Variants in DLGAP1 observed in about 807,000 individuals in gnomAD.
DLGAP1 encodes the protein DLG associated protein 1.
A neutral mutation model predicts 90.8 loss-of-function variants in DLGAP1; 11 were observed. The observed-to-expected ratio is 0.12, with a 90% CI of 0.08 to 0.20. DLGAP1 has a LOEUF of 0.20. Ranked by LOEUF, DLGAP1 falls within the 10% of genes least tolerant of loss-of-function variation. DLGAP1 has a pLI of 1.00. For missense variants in DLGAP1, 1,050 were observed against 1,333.8 expected (o/e 0.79, Z 3.31); for synonymous variants, 558 against 540.7 (o/e 1.03, Z -0.44).
At chr18:3,552,567 G>A (rs535163789) in intron 9 of DLGAP1, among the ~76,000 whole-genome samples, 330 of 152,260 alleles carry the variant, frequency 2.2e-3, no homozygotes, top group Non-Finnish European at 3.2e-3. Context: ...GGGGCTGAGC[G>A]AGCCTAAGAA....
intron 10 of DLGAP1, among the ~76,000 whole-genome samples, chr18:3,514,801 C>T (rs538989361): frequency 6.6e-6 from 1 of 152,266 alleles, no homozygotes; most frequent in Admixed American, 6.5e-5. Context: ...AATCTTCTTG[C>T]GGAGGGAGGG....
rs755230071 is a variant in DLGAP1, at chr18:3,555,857, T to C, written c.2057+11633A>G. 6.6e-5 allele frequency among the ~76,000 whole-genome samples: 10 copies of C among 152,118 alleles called. 1 individual carries two copies. Among genetic ancestry groups the C allele is most frequent in the Non-Finnish European group, 8.8e-5 (6 of 68,018 alleles). ...AAATAAATTTAAAAACCTGGAAAGA[T>C]AGACTGGCTGATTGCAGGAGAAATG... On this transcript the variant is annotated intron_variant, in intron 9 of 12. Coordinates refer to ENST00000315677, the MANE Select transcript of DLGAP1 (RefSeq NM_004746.4).
intron 8 of DLGAP1, among the ~76,000 whole-genome samples, chr18:3,570,159 G>A (rs142938841): frequency 2.8e-4 from 43 of 152,038 alleles, no homozygotes; most frequent in African/African-American, 9.2e-4. Flanking sequence ...ACACAATGAC[G>A]AAATCACCTA....
At chr18:3,580,925 A>T (rs1261471568) in intron 8 of DLGAP1, among the ~76,000 whole-genome samples, 1 of 152,144 alleles carries the variant, frequency 6.6e-6, no homozygotes, top group Non-Finnish European at 1.5e-5. Context: ...CCCCAGCCCC[A>T]GGAAATGTGG....
At chr18:4,089,575 A>G (rs978836492) in intron 2 of DLGAP1, among the ~76,000 whole-genome samples, 2 of 152,226 alleles carry the variant, frequency 1.3e-5, no homozygotes, top group Non-Finnish European at 2.9e-5. Context: ...CAGTAACCAA[A>G]CAGCATGGTA....
At position 3,517,064 on chromosome 18, in the gene DLGAP1, G is replaced by C. The variant is rs1434271000; in HGVS notation, c.2480-8403C>G. Among the ~76,000 whole-genome samples the C allele has an allele frequency of 6.6e-6, 1 of 152,216 alleles. No homozygotes were observed. The highest frequency in any genetic ancestry group is 1.5e-5 in the Non-Finnish European group (1 of 68,044). On this transcript the variant is annotated intron_variant, in intron 10 of 12. Transcript: ENST00000315677. The surrounding 1 kb of genome is among the most constrained non-coding windows in gnomAD (Gnocchi z 4.1). ...CTCAACAGTAGGCTTAAAGTGTACA[G>C]TAAACCATGCTGTGAATAGAGATAC... is the stretch of plus-strand genomic sequence containing the variant.
intron 3 of DLGAP1, among the ~76,000 whole-genome samples, chr18:3,934,153 A>G (rs1466709456): frequency 6.6e-6 from 1 of 152,222 alleles, no homozygotes; most frequent in Non-Finnish European, 1.5e-5. Flanking sequence ...GTAGTGACAA[A>G]GTACAGCCTT....
intron 1 of DLGAP1, among the ~76,000 whole-genome samples, chr18:4,185,927 C>A (rs1023267664): frequency 6.6e-6 from 1 of 152,174 alleles, no homozygotes; most frequent in Middle Eastern, 3.2e-3. Flanking sequence ...TCCCTTTTCT[C>A]TGCAACCTCG....
chr18:3,817,038 A>G (rs1367775311), intron 4 of DLGAP1, among the ~76,000 whole-genome samples: 2 of 152,190 alleles, frequency 1.3e-5, no homozygotes, highest in Non-Finnish European at 2.9e-5. Flanking sequence ...TTGGCAGGTG[A>G]CTCACTGCAT....
intron 1 of DLGAP1, among the ~76,000 whole-genome samples, chr18:4,236,249 T>A (rs2078412689): frequency 6.6e-6 from 1 of 152,172 alleles, no homozygotes; most frequent in Non-Finnish European, 1.5e-5. Context: ...CCCACATGGA[T>A]TACATACAGT....
rs541255906 is a variant in DLGAP1 at position 4,066,659 on chromosome 18, T to TA, written c.-158-61459dup. On this transcript the variant is annotated intron_variant, in intron 2 of 12. Coordinates refer to ENST00000315677, the MANE Select transcript of DLGAP1 (RefSeq NM_004746.4). Reference sequence around the variant, plus strand: ...TCACACCAGTCAGGATGGTTATTATTAAAAAGTCAAAAAATAACAGATGCT... The same window carrying TA: ...TCACACCAGTCAGGATGGTTATTATTAAAAAAGTCAAAAAATAACAGATGCT... 2.1e-4 allele frequency among the ~76,000 whole-genome samples: 32 copies of TA among 152,194 alleles called. No individual in the cohort carries two copies. The East Asian group carries it at 4.6e-3, about 22-fold the overall frequency.
chr18:3,876,093 G>C (rs1313392899), intron 4 of DLGAP1, among the ~76,000 whole-genome samples: 1 of 151,162 alleles, frequency 6.6e-6, no homozygotes, highest in African/African-American at 2.4e-5. Context: ...TTACTTCTAA[G>C]AATGAGCCTA....
rs56150477 is a variant in DLGAP1, at chr18:3,946,447, C to T, written c.-73+58669G>A. ...ATATCAATTAAAAGGAAATTAGCAT[C>T]TTACCTTTCAAGTCAAACATTAAGA... On this transcript the variant is annotated intron_variant, in intron 3 of 12. Transcript: ENST00000315677. 5.8e-3 allele frequency among the ~76,000 whole-genome samples: 884 copies of T among 152,264 alleles called. 7 individuals carry two copies. The highest frequency in any genetic ancestry group is 0.02 in the African/African-American group (817 of 41,532).
intron 4 of DLGAP1, among the ~76,000 whole-genome samples, chr18:3,846,786 G>A (rs1222405299): frequency 6.6e-6 from 1 of 152,096 alleles, no homozygotes; most frequent in East Asian, 1.9e-4. Flanking sequence ...TGGTTGCCCT[G>A]GACCTGGGGT....
rs142882048 is a variant in DLGAP1 at position 4,053,615 on chromosome 18, G to A, written c.-158-48414C>T. Among the ~76,000 whole-genome samples, 665 of 152,246 alleles carry A rather than the reference G, an allele frequency of 4.4e-3. 5 individuals carry two copies. Among genetic ancestry groups the A allele is most frequent in the Middle Eastern group, 0.01 (3 of 294 alleles). On this transcript the variant is annotated intron_variant, in intron 2 of 12. Transcript: ENST00000315677. The stretch of plus-strand genomic sequence containing the variant: ...CCCTTTGCTCTATCTTTCCTGCTTC[G>A]CTATGTGAAGAGGTGCCTGCTTCCC...
rs552281304 is a variant in DLGAP1, at chr18:3,660,367, C to T, written c.1591+68768G>A. On this transcript the variant is annotated intron_variant, in intron 7 of 12. Coordinates refer to ENST00000315677, the MANE Select transcript of DLGAP1 (RefSeq NM_004746.4). The surrounding 1 kb of genome is among the most constrained non-coding windows in gnomAD (Gnocchi z 4.2). Reference sequence around the variant, plus strand: ...GTTTGCAGTTATCTCATTGATTTCACATCTGCGTCCTTGTTTACCTCTGTC... The same window carrying T: ...GTTTGCAGTTATCTCATTGATTTCATATCTGCGTCCTTGTTTACCTCTGTC... Among the ~76,000 whole-genome samples the T allele has an allele frequency of 1.3e-5, 2 of 152,322 alleles. No homozygotes were observed. Among genetic ancestry groups the T allele is most frequent in the South Asian group, 2.1e-4 (1 of 4,834 alleles).
intron 7 of DLGAP1, among the ~76,000 whole-genome samples, chr18:3,665,050 C>T (rs529743471): frequency 1.3e-5 from 2 of 152,120 alleles, no homozygotes; most frequent in East Asian, 3.9e-4. Context: ...TTTTTGTAAC[C>T]GCTGGGGAAG....
intron 3 of DLGAP1, among the ~76,000 whole-genome samples, chr18:3,942,738 C>A (rs1256794037): frequency 6.6e-6 from 1 of 152,202 alleles, no homozygotes; most frequent in East Asian, 1.9e-4. Flanking sequence ...GGCAGAAATT[C>A]ATTTTGAACA....
chr18:4,296,286 TAA>T (rs71915999), intron 1 of DLGAP1, among the ~76,000 whole-genome samples: 95,182 of 151,704 alleles, frequency 0.63, 31,454 homozygotes, highest in South Asian at 0.79. Flanking sequence ...TCTCACAGCC[TAA>T]AGCTGATGTA....
Sources: allele counts gnomAD v4.1 joint callset (sites outside exome capture counted in the v4.1 genomes callset), GRCh38; gene constraint gnomAD v4.1.1; non-coding constraint Gnocchi (gnomAD v3.1); transcripts MANE v1.5; gene names NCBI Gene and HGNC (gene_info 2026-07-23, HGNC 2026-07-21).